ARHGAP10: variants seen among roughly 807,000 people sequenced by gnomAD.
ARHGAP10 encodes rho GTPase-activating protein 10.
Under a neutral mutation model 108.6 loss-of-function variants are expected in ARHGAP10, and 87 were observed. That is an observed-to-expected ratio of 0.80 (90% CI 0.67 to 0.96). The LOEUF (loss-of-function observed/expected upper bound fraction) is 0.96, where lower values mean the gene tolerates loss of function less well. ARHGAP10 is among the 40% of genes least tolerant of loss of function. ARHGAP10 has a pLI of 0.00. For missense variants in ARHGAP10, 939 were observed against 954.5 expected (o/e 0.98, Z 0.21); for synonymous variants, 347 against 341.1 (o/e 1.02, Z -0.19).
chr4:148,067,050 C>G (rs1459304397), intron 22 of ARHGAP10, among the ~76,000 whole-genome samples: 1 of 152,160 alleles, frequency 6.6e-6, no homozygotes, highest in African/African-American at 2.4e-5. Context: ...TTCTGTCCCT[C>G]CCCTAAGGCT....
chr4:147,890,784 G>A (rs935471674), intron 10 of ARHGAP10, among the ~76,000 whole-genome samples: 3 of 152,170 alleles, frequency 2.0e-5, no homozygotes, highest in East Asian at 1.9e-4. Flanking sequence ...CTGAGATCAC[G>A]CCATTGGACT....
At chr4:147,784,780 T>C (rs1292657779) in intron 1 of ARHGAP10, among the ~76,000 whole-genome samples, 2 of 55,400 alleles carry the variant, frequency 3.6e-5, no homozygotes, top group African/African-American at 1.0e-4. Flanking sequence ...AAATATAATA[T>C]ATTATAAAAT....
At chr4:147,889,593 C>T (rs1247924676) in intron 10 of ARHGAP10, among the ~76,000 whole-genome samples, 1 of 152,244 alleles carries the variant, frequency 6.6e-6, no homozygotes, top group Non-Finnish European at 1.5e-5. Flanking sequence ...AACCACCACA[C>T]CTGGCCCTCA....
At chr4:147,986,060 T>G (rs750247567) in intron 18 of ARHGAP10, among the ~76,000 whole-genome samples, 2 of 152,338 alleles carry the variant, frequency 1.3e-5, no homozygotes, top group South Asian at 4.1e-4. Flanking sequence ...ATGCACTATT[T>G]TGCTATTTGC....
chr4:147,909,244 G>A (rs534383355), intron 11 of ARHGAP10, among the ~76,000 whole-genome samples: 2 of 152,336 alleles, frequency 1.3e-5, no homozygotes, highest in Non-Finnish European at 2.9e-5. Flanking sequence ...CTGAAGTGAG[G>A]TTGAGGTGGG....
At position 147,824,364 on chromosome 4, in the gene ARHGAP10, A is replaced by G. The variant is rs201701934; in HGVS notation, c.312+1407A>G. Among the ~76,000 whole-genome samples the G allele has an allele frequency of 4.6e-5, 7 of 152,204 alleles. No individual in the cohort carries two copies. The East Asian group carries it at 1.4e-3, about 29-fold the overall frequency. ...GATTCTTTTTTCTATATTCTTGAAAATGAGTACTATCTAGAATTACGTTAT... is the reference window on the plus strand; with the variant it reads ...GATTCTTTTTTCTATATTCTTGAAAGTGAGTACTATCTAGAATTACGTTAT... On this transcript the variant is annotated intron_variant, in intron 3 of 22. Transcript: ENST00000336498.
intron 16 of ARHGAP10, among the ~76,000 whole-genome samples, chr4:147,959,237 T>A (rs1305224913): frequency 6.6e-6 from 1 of 152,142 alleles, no homozygotes; most frequent in Non-Finnish European, 1.5e-5. Context: ...CAGAGTATTT[T>A]TTTTTTTGTT....
At chr4:147,815,321 A>C (rs542204007) in intron 1 of ARHGAP10, among the ~76,000 whole-genome samples, 1 of 152,324 alleles carries the variant, frequency 6.6e-6, no homozygotes, top group South Asian at 2.1e-4. Flanking sequence ...TGATTAGTAG[A>C]GTACCTGATG....
intron 10 of ARHGAP10, among the ~76,000 whole-genome samples, chr4:147,885,910 C>G (rs932033107): frequency 1.3e-5 from 2 of 152,132 alleles, no homozygotes. Flanking sequence ...TCCTAAAATC[C>G]GAGATCTATA....
At chr4:147,973,672 C>T (rs1225720054) in intron 18 of ARHGAP10, among the ~76,000 whole-genome samples, 3 of 151,936 alleles carry the variant, frequency 2.0e-5, no homozygotes, top group Admixed American at 6.6e-5. Context: ...CATCCCTGCT[C>T]CCCCCGCCAC....
intron 7 of ARHGAP10, among the ~76,000 whole-genome samples, chr4:147,870,570 T>C (rs1260141471): frequency 6.6e-6 from 1 of 152,054 alleles, no homozygotes; most frequent in Non-Finnish European, 1.5e-5. Flanking sequence ...GACTTTTTTT[T>C]TTTTTTTGAG....
At chr4:147,891,770 T>G (rs1291067875) in intron 10 of ARHGAP10, among the ~76,000 whole-genome samples, 1 of 152,180 alleles carries the variant, frequency 6.6e-6, no homozygotes, top group East Asian at 1.9e-4. Flanking sequence ...AGGTCTCTCA[T>G]TTTTTTAGGT....
chr4:147,739,433 A>T (rs949298311), intron 1 of ARHGAP10, among the ~76,000 whole-genome samples: 3 of 152,218 alleles, frequency 2.0e-5, no homozygotes, highest in Non-Finnish European at 4.4e-5. Flanking sequence ...AGGTATTGAC[A>T]TGACAATATA....
intron 17 of ARHGAP10, among the ~76,000 whole-genome samples, chr4:147,965,342 T>C (rs993811213): frequency 6.6e-6 from 1 of 152,188 alleles, no homozygotes; most frequent in South Asian, 2.1e-4. Flanking sequence ...AACTCAGGGT[T>C]TGATTTGAAG....
rs1020951141 is a variant in ARHGAP10 at position 148,071,983 on chromosome 4, T to A, written c.2273-10T>A. 5.6e-6 allele frequency: 9 copies of A among 1,610,496 alleles called. No individual in the cohort carries two copies. The highest frequency in any genetic ancestry group is 6.8e-6 in the Non-Finnish European group (8 of 1,178,604). ...CATTTTGTAAAAGTGATTTTTCTCT[T>A]CCTTTTCAGTACAAACCTCCAGGGA... On this transcript the variant is annotated splice_polypyrimidine_tract_variant and intron_variant, in intron 22 of 22. Transcript: ENST00000336498.
intron 1 of ARHGAP10, among the ~76,000 whole-genome samples, chr4:147,771,061 C>T (rs1006777460): frequency 2.0e-5 from 3 of 152,130 alleles, no homozygotes; most frequent in Admixed American, 6.6e-5. Context: ...AACTTAATTA[C>T]CTCCTTAAAG....
chr4:147,928,526 G>A (rs1372671258), intron 13 of ARHGAP10, among the ~76,000 whole-genome samples: 2 of 152,220 alleles, frequency 1.3e-5, no homozygotes, highest in African/African-American at 4.8e-5. Flanking sequence ...GAACATGCCA[G>A]TGAAAGCAAG....
At position 148,063,083 on chromosome 4, in the gene ARHGAP10, G is replaced by A; in HGVS notation, c.2028-65G>A. 10 of 1,568,956 alleles carry A rather than the reference G, an allele frequency of 6.4e-6. No homozygotes were observed. The South Asian group carries it at 1.0e-4, about 16-fold the overall frequency. ...TGACCTAGTCATCTGGGATTGGGAT[G>A]TTGTGCATTTCGTGTTCTGTGGCCT... is the stretch of plus-strand genomic sequence containing the variant. On this transcript the variant is annotated intron_variant, in intron 20 of 22. Transcript: ENST00000336498.
Position 147,847,140 on chromosome 4 carries a change from T to A in ARHGAP10, c.313-11T>A. On this transcript the variant is annotated splice_polypyrimidine_tract_variant and intron_variant, in intron 3 of 22. Transcript: ENST00000336498. ...ATGCTGTGCTCTTTTGTTATCACTCTTGTTCTCTAGGCATTAAGTGTAACT... is the reference window on the plus strand; with the variant it reads ...ATGCTGTGCTCTTTTGTTATCACTCATGTTCTCTAGGCATTAAGTGTAACT... 6.2e-7 allele frequency: 1 copy of A among 1,608,992 alleles called. No individual in the cohort carries two copies. The highest frequency in any genetic ancestry group is 8.5e-7 in the Non-Finnish European group (1 of 1,175,876).
Sources: gnomAD v4.1 joint callset for allele counts (sites outside exome capture counted in the v4.1 genomes callset) on GRCh38, gnomAD v4.1.1 for gene constraint, MANE v1.5 for transcripts, NCBI Gene and HGNC (gene_info 2026-07-23, HGNC 2026-07-21) for gene names.